FAF1: variants seen among roughly 807,000 people sequenced by gnomAD.
The protein encoded by FAF1 is Fas associated factor 1, also known as FAS-associated factor 1.
FAF1 carries 25 observed loss-of-function variants against 92.5 expected under a neutral mutation model. The observed-to-expected ratio is 0.27, with a 90% CI of 0.20 to 0.38. The LOEUF (loss-of-function observed/expected upper bound fraction) is 0.38. Among genes scored for constraint, FAF1 ranks in the 10% least tolerant of loss-of-function variants. The pLI is 1.00. For synonymous variants in FAF1, 234 were observed against 273.2 expected (o/e 0.86, Z 1.42); for missense variants, 636 against 793.3 (o/e 0.80, Z 2.38).
intron 1 of FAF1, among the ~76,000 whole-genome samples, chr1:50,890,756 T>C (rs1042955558): frequency 1.3e-5 from 2 of 152,230 alleles, no homozygotes; most frequent in Admixed American, 6.5e-5. Context: ...GGCTTCCCTT[T>C]GTTGGTAACT....
Position 50,788,079 on chromosome 1 carries a change from C to T in FAF1, c.288G>A (p.Arg96=). 6.2e-7 allele frequency: 1 copy of T among 1,614,124 alleles called. No individual in the cohort carries two copies. The highest frequency in any genetic ancestry group is 8.5e-7 in the Non-Finnish European group (1 of 1,180,006). ...PVMPSRQIVE[R]QPRMLDFRVE... ...CCCTGAAGTCCAGCATCCGAGGTTG[C>T]CTTTCTACAATCTGCCTGGATGGCA... Residue 96 remains arginine (R), a synonymous_variant, in exon 4 of 19, where the codon AGG becomes AGA. Coordinates refer to ENST00000396153, the MANE Select transcript of FAF1 (RefSeq NM_007051.3).
intron 6 of FAF1, among the ~76,000 whole-genome samples, chr1:50,728,184 C>T (rs1658741551): frequency 6.6e-6 from 1 of 152,048 alleles, no homozygotes; most frequent in Non-Finnish European, 1.5e-5. Flanking sequence ...AACAGAGGGG[C>T]TGTTTTAGAT....
intron 8 of FAF1, among the ~76,000 whole-genome samples, chr1:50,634,006 C>A (rs1653903617): frequency 6.6e-6 from 1 of 152,138 alleles, no homozygotes; most frequent in Non-Finnish European, 1.5e-5. Flanking sequence ...CAATCAGTAC[C>A]AGCAATCTCC....
chr1:50,718,170 A>C (rs1658266755), intron 6 of FAF1, among the ~76,000 whole-genome samples: 1 of 152,002 alleles, frequency 6.6e-6, no homozygotes, highest in African/African-American at 2.4e-5. Flanking sequence ...CAGGCACCCG[A>C]GTAGCTGGGA....
At chr1:50,544,179 T>C (rs1480171815) in intron 13 of FAF1, among the ~76,000 whole-genome samples, 1 of 152,212 alleles carries the variant, frequency 6.6e-6, no homozygotes, top group Non-Finnish European at 1.5e-5. Flanking sequence ...GGTTCCCATA[T>C]GAGTTTCGGT....
At chr1:50,648,795 G>C (rs968453568) in intron 8 of FAF1, among the ~76,000 whole-genome samples, 1 of 152,142 alleles carries the variant, frequency 6.6e-6, no homozygotes. Context: ...GTGTGGTGGC[G>C]CATGCCTGTA....
Position 50,606,489 on chromosome 1 carries a change from C to CTTTTTT in FAF1, c.745-10279_745-10274dup, listed in dbSNP as rs34498946. 8.5e-5 allele frequency among the ~76,000 whole-genome samples: 5 copies of CTTTTTT among 58,558 alleles called. 1 individual carries two copies. Among genetic ancestry groups the CTTTTTT allele is most frequent in the Admixed American group, 2.1e-4 (1 of 4,756 alleles). 38.4% of individuals were successfully genotyped at this position (58,558 alleles called of 152,430 possible). A position where few individuals can be genotyped will look rare whatever the true frequency, so the allele number is the denominator to read the frequency against. On this transcript the variant is annotated intron_variant, in intron 8 of 18. Coordinates refer to ENST00000396153, the MANE Select transcript of FAF1 (RefSeq NM_007051.3). ...AGATATATTGTAGCTGTGAGAGTTG[C>CTTTTTT]TTTTTTTTTTTTTTTTTTTTTTTTT...
chr1:50,634,785 C>T (rs1333972185), intron 8 of FAF1, among the ~76,000 whole-genome samples: 1 of 152,144 alleles, frequency 6.6e-6, no homozygotes, highest in East Asian at 1.9e-4. Flanking sequence ...ACTCCAGAGG[C>T]ATTCTGGGCA....
chr1:50,685,342 T>C (rs1296841032), intron 7 of FAF1, among the ~76,000 whole-genome samples: 1 of 152,206 alleles, frequency 6.6e-6, no homozygotes, highest in Non-Finnish European at 1.5e-5. Flanking sequence ...GTCAGGGAAG[T>C]GATCCTACTG....
chr1:50,490,714 C>T (rs1646829001), intron 16 of FAF1, 49 bp from the exon 17 acceptor site: 1 of 1,096,848 alleles, frequency 9.1e-7, no homozygotes, highest in Admixed American at 1.8e-5. Flanking sequence ...TACTTGTTTA[C>T]AAAGAAAGAG....
chr1:50,751,205 A>C (rs1196310863), intron 4 of FAF1, among the ~76,000 whole-genome samples: 1 of 151,840 alleles, frequency 6.6e-6, no homozygotes, highest in Non-Finnish European at 1.5e-5. Context: ...GCAGCTTTGT[A>C]AACTTGATAG....
Position 50,582,599 on chromosome 1 carries a change from A to G in FAF1, c.1113+19T>C. On this transcript the variant is annotated intron_variant, in intron 12 of 18. Transcript: ENST00000396153. ...TGTGGGATGCACTTTTTAATCAGAA[A>G]AGGTCAAACTGTACTTACATCTCGG... 6.5e-7 allele frequency: 1 copy of G among 1,543,712 alleles called. No individual in the cohort carries two copies. Among genetic ancestry groups the G allele is most frequent in the Non-Finnish European group, 9.0e-7 (1 of 1,116,424 alleles).
intron 1 of FAF1, among the ~76,000 whole-genome samples, chr1:50,935,114 T>A (rs925478103): frequency 6.6e-6 from 1 of 152,208 alleles, no homozygotes; most frequent in Admixed American, 6.5e-5. Flanking sequence ...AAGATCCATA[T>A]AACCAACAAG....
intron 1 of FAF1, among the ~76,000 whole-genome samples, chr1:50,909,856 G>A (rs1196999965): frequency 3.3e-5 from 5 of 152,110 alleles, no homozygotes; most frequent in Non-Finnish European, 7.4e-5. Context: ...TGTTATTACC[G>A]ATTGTCTGAA....
At position 50,621,373 on chromosome 1, in the gene FAF1, C is replaced by T. The variant is rs17106340; in HGVS notation, c.745-25157G>A. On this transcript the variant is annotated intron_variant, in intron 8 of 18. Coordinates refer to ENST00000396153, the MANE Select transcript of FAF1 (RefSeq NM_007051.3). ...GCCCCAGTCTTACGGGGAAGTTAGCCCCGATCTTTCTTTTTTTCTTTTTTT... is the reference window on the plus strand; with the variant it reads ...GCCCCAGTCTTACGGGGAAGTTAGCTCCGATCTTTCTTTTTTTCTTTTTTT... Among the ~76,000 whole-genome samples, 947 of 151,202 alleles carry T rather than the reference C, an allele frequency of 6.3e-3. 17 individuals carry two copies. Among genetic ancestry groups the T allele is most frequent in the African/African-American group, 0.022 (904 of 41,084 alleles).
intron 4 of FAF1, among the ~76,000 whole-genome samples, chr1:50,765,380 T>C (rs1316834564): frequency 6.6e-6 from 1 of 152,232 alleles, no homozygotes; most frequent in Non-Finnish European, 1.5e-5. Flanking sequence ...TAATACCTTT[T>C]TTCAAGGTCA....
intron 13 of FAF1, among the ~76,000 whole-genome samples, chr1:50,544,022 T>C (rs1648883933): frequency 6.6e-6 from 1 of 152,136 alleles, no homozygotes; most frequent in Non-Finnish European, 1.5e-5. Context: ...ATTCCTGGGA[T>C]TGCTAAACTA....
At chr1:50,682,228 C>A (rs1343998034) in intron 7 of FAF1, among the ~76,000 whole-genome samples, 2 of 152,020 alleles carry the variant, frequency 1.3e-5, no homozygotes, top group Non-Finnish European at 2.9e-5. Context: ...AGGCTGGGTG[C>A]AGTCCTCACA....
chr1:50,535,089 T>C (rs1332545172), intron 15 of FAF1, among the ~76,000 whole-genome samples: 1 of 152,202 alleles, frequency 6.6e-6, no homozygotes, highest in East Asian at 1.9e-4. Context: ...TCTATAAACA[T>C]GCTTCTGAAC....
Sources: allele counts gnomAD v4.1 joint callset (sites outside exome capture counted in the v4.1 genomes callset), GRCh38; gene constraint gnomAD v4.1.1; transcripts MANE v1.5; gene names NCBI Gene and HGNC (gene_info 2026-07-23, HGNC 2026-07-21).